The following KIF13B variants were observed in gnomAD, a reference collection of about 807,000 sequenced individuals.
The protein encoded by KIF13B is kinesin-like protein KIF13B.
Under a neutral mutation model 222.0 loss-of-function variants are expected in KIF13B, and 127 were observed. The observed-to-expected ratio is 0.57, with a 90% CI of 0.50 to 0.66. The LOEUF is 0.66. KIF13B is among the 30% of genes least tolerant of loss of function. KIF13B has a pLI of 0.00. For synonymous variants in KIF13B, 976 were observed against 919.0 expected (o/e 1.06, Z -1.12); for missense variants, 2,173 against 2,379.0 (o/e 0.91, Z 1.80).
intron 35 of KIF13B, among the ~76,000 whole-genome samples, 171 bp downstream of exon 35, chr8:29,107,968 T>G (rs2133603887): frequency 6.6e-6 from 1 of 152,258 alleles, no homozygotes; most frequent in Admixed American, 6.5e-5. Flanking sequence ...AAACCTTATT[T>G]TAATTGGCAA....
rs150614318 is a variant in KIF13B, at chr8:29,142,793, C to T, written c.2188-490G>A. On this transcript the variant is annotated intron_variant, in intron 18 of 39. Coordinates refer to ENST00000524189, the MANE Select transcript of KIF13B (RefSeq NM_015254.4). Reference sequence around the variant, plus strand: ...GGCAGAGGTTGCAGTGAGCTGAAGTCTTGCCACTGCACTCCAGCCTAGGTG... The same window carrying T: ...GGCAGAGGTTGCAGTGAGCTGAAGTTTTGCCACTGCACTCCAGCCTAGGTG... Among the ~76,000 whole-genome samples, 12 of 152,168 alleles carry T rather than the reference C, an allele frequency of 7.9e-5. No homozygotes were observed. The East Asian group carries it at 2.3e-3, about 30-fold the overall frequency.
chr8:29,123,904 T>G, intron 27 of KIF13B, 120 bp downstream of exon 27: 1 of 657,620 alleles, frequency 1.5e-6, no homozygotes, highest in Non-Finnish European at 2.7e-6. Context: ...ACTCATCTGC[T>G]CCTGCCATCC....
At chr8:29,210,361 T>C (rs1814165161) in intron 2 of KIF13B, among the ~76,000 whole-genome samples, 1 of 152,170 alleles carries the variant, frequency 6.6e-6, no homozygotes, top group African/African-American at 2.4e-5. Context: ...TCACCATTTC[T>C]AGAAATGACT....
chr8:29,079,354 C>T (rs1807704216), intron 37 of KIF13B, among the ~76,000 whole-genome samples: 1 of 152,244 alleles, frequency 6.6e-6, no homozygotes, highest in African/African-American at 2.4e-5. Context: ...CAGACACTCA[C>T]ACATGACGGT....
At position 29,160,867 on chromosome 8, in the gene KIF13B, C is replaced by T; in HGVS notation, c.1270G>A (p.Glu424Lys). The T allele has an allele frequency of 6.2e-7, 1 of 1,612,692 alleles. No homozygotes were observed. Among genetic ancestry groups the T allele is most frequent in the Non-Finnish European group, 8.5e-7 (1 of 1,179,182 alleles). ...KLRKTEEIAQ[E>K]RQKQLESLGI... ...AGACTCTCAAGCTGTTTCTGTCGTT[C>T]CTGTAAATGTTATCAGAGAAGTATT... Residue 424 changes from glutamate (E) to lysine (K), a missense_variant and splice_region_variant, in exon 13 of 40, where the codon GAA becomes AAA. This residue lies in a region of KIF13B where 1,480 missense variants were observed against 1,722.8 expected (regional missense o/e 0.86). Transcript: ENST00000524189.
rs112360730 is a variant in KIF13B, at chr8:29,233,616, T to C, written c.149+11730A>G. On this transcript the variant is annotated intron_variant, in intron 2 of 39. Transcript: ENST00000524189. ...AAAACCCCTTTACACTCTTAAATAT[T>C]AGTGAGGGCAATAACAGCTTTTGTT... Among the ~76,000 whole-genome samples, 610 of 152,358 alleles carry C rather than the reference T, an allele frequency of 4.0e-3. 4 individuals are homozygous for C. Among genetic ancestry groups the C allele is most frequent in the African/African-American group, 0.014 (570 of 41,582 alleles).
chr8:29,118,033 C>G (rs961910645), intron 30 of KIF13B, among the ~76,000 whole-genome samples: 3 of 151,868 alleles, frequency 2.0e-5, no homozygotes, highest in African/African-American at 7.3e-5. Flanking sequence ...TGGCATGTGC[C>G]TGTACTCACA....
rs879753594 is a variant in KIF13B at position 29,121,798 on chromosome 8, G to GT, written c.3535+792dup. Among the ~76,000 whole-genome samples the GT allele has an allele frequency of 3.7e-3, 537 of 145,204 alleles. 2 individuals carry two copies. Among genetic ancestry groups the GT allele is most frequent in the African/African-American group, 9.0e-3 (358 of 39,918 alleles). On this transcript the variant is annotated intron_variant, in intron 29 of 39. Transcript: ENST00000524189. ...TACAACATGGGAGAAAATTTTCGCA[G>GT]TTTTTTTTTTTTAAACAGGTAATAC...
At chr8:29,224,766 G>A (rs1814943949) in intron 2 of KIF13B, among the ~76,000 whole-genome samples, 1 of 151,894 alleles carries the variant, frequency 6.6e-6, no homozygotes, top group South Asian at 2.1e-4. Context: ...GAGTGTGTAC[G>A]CGTAATTAGG....
chr8:29,206,092 T>A (rs373624007), intron 2 of KIF13B, among the ~76,000 whole-genome samples: 18 of 148,642 alleles, frequency 1.2e-4, no homozygotes, highest in East Asian at 7.9e-4. Context: ...CCCCACCTTT[T>A]AAAAAAAAAA....
intron 1 of KIF13B, among the ~76,000 whole-genome samples, chr8:29,257,309 G>A (rs997305771): frequency 1.3e-5 from 2 of 151,988 alleles, no homozygotes; most frequent in African/African-American, 2.4e-5. Flanking sequence ...CCAGGTCACA[G>A]GGCACACTGC....
chr8:29,230,798 C>G (rs1392543750), intron 2 of KIF13B, among the ~76,000 whole-genome samples: 1 of 152,214 alleles, frequency 6.6e-6, no homozygotes, highest in Non-Finnish European at 1.5e-5. Context: ...AAAGCAGAAT[C>G]TGAAACCCTA....
At chr8:29,228,472 A>AAAAAAAAAAAAAAAAAATATATAT in intron 2 of KIF13B, among the ~76,000 whole-genome samples, 7 of 117,082 alleles carry the variant, frequency 6.0e-5, no homozygotes, top group East Asian at 2.1e-4. Flanking sequence ...ATCTTAAAAA[A>AAAAAAAAAAAAAAAAAATATATAT]ATATATATAT....
intron 32 of KIF13B, among the ~76,000 whole-genome samples, chr8:29,112,230 T>C (rs1368267622): frequency 1.3e-5 from 2 of 152,126 alleles, no homozygotes; most frequent in East Asian, 3.9e-4. Context: ...GTCAGGAGAC[T>C]GAGAGCATCC....
intron 35 of KIF13B, among the ~76,000 whole-genome samples, chr8:29,105,410 T>C (rs1197037552): frequency 1.3e-5 from 2 of 152,152 alleles, no homozygotes; most frequent in East Asian, 3.9e-4. Context: ...GACCTCAGTG[T>C]CATCCTTCAG....
chr8:29,177,713 G>A lies in KIF13B; in HGVS notation c.721-135C>T, dbSNP rs1297320834. ...GCCCAGGATTTCAAAAACAGCCTGG[G>A]CAACACAGCAAAATCCTGTCTCCAC... On this transcript the variant is annotated intron_variant, in intron 8 of 39. Coordinates refer to ENST00000524189, the MANE Select transcript of KIF13B (RefSeq NM_015254.4). The A allele has an allele frequency of 1.1e-5, 7 of 661,026 alleles. No individual in the cohort carries two copies. In the East Asian group the frequency reaches 1.6e-4, roughly 15 times the overall value. The allele number at this position is 661,026 out of a possible 1,614,324, so 40.9% of individuals were successfully genotyped here. A position where few individuals can be genotyped will look rare whatever the true frequency, so the allele number is the denominator to read the frequency against.
intron 7 of KIF13B, among the ~76,000 whole-genome samples, chr8:29,180,754 T>TG (rs367791692): frequency 3.9e-5 from 6 of 152,146 alleles, no homozygotes; most frequent in African/African-American, 1.4e-4. Context: ...ACCACTTGGT[T>TG]GCTACTACTA....
rs201091788 is a variant in KIF13B at position 29,251,154 on chromosome 8, G to GA, written c.56-5716dup. Among the ~76,000 whole-genome samples, 1,000 of 149,484 alleles carry GA rather than the reference G, an allele frequency of 6.7e-3. 6 individuals are homozygous for GA. The highest frequency in any genetic ancestry group is 0.023 in the African/African-American group (943 of 40,804). On this transcript the variant is annotated intron_variant, in intron 1 of 39. Transcript: ENST00000524189. ...CAACGAGGGGAGACCCTGTCTGGAAGAAAAAAAAAGGCAAAACAATGATTA... is the reference window on the plus strand; with the variant it reads ...CAACGAGGGGAGACCCTGTCTGGAAGAAAAAAAAAAGGCAAAACAATGATTA...
intron 2 of KIF13B, among the ~76,000 whole-genome samples, chr8:29,197,930 T>G (rs1813513858): frequency 6.6e-6 from 1 of 152,240 alleles, no homozygotes. Context: ...TAATTGGCCC[T>G]TCTCAGAGGA....
Sources: allele counts gnomAD v4.1 joint callset (sites outside exome capture counted in the v4.1 genomes callset), GRCh38; gene constraint gnomAD v4.1.1; regional missense constraint gnomAD v4.1.1; transcripts MANE v1.5; gene names NCBI Gene and HGNC (gene_info 2026-07-23, HGNC 2026-07-21).